Variants in OCEL1 observed in about 807,000 individuals in gnomAD.
OCEL1 encodes the protein occludin/ELL domain containing 1, also known as occludin/ELL domain-containing protein 1.
OCEL1 carries 24 observed loss-of-function variants against 29.4 expected under a neutral mutation model. That is an observed-to-expected ratio of 0.82 (90% CI 0.59 to 1.15). OCEL1 has a LOEUF of 1.15. Among genes scored for constraint, OCEL1 ranks in the 50% most tolerant of loss-of-function variants. The probability of loss-of-function intolerance (pLI) is 0.00; values close to 1 mark genes in which losing one functional copy is unlikely to be tolerated. For synonymous variants in OCEL1, 172 were observed against 145.3 expected, an observed-to-expected ratio of 1.18 and a Z score of -1.32; for missense variants, 402 against 352.5, an observed-to-expected ratio of 1.14 and a Z score of -1.13.
Position 17,227,148 on chromosome 19 carries a change from C to G in OCEL1, c.401C>G (p.Ala134Gly). The G allele has an allele frequency of 6.3e-7, 1 of 1,590,416 alleles. No homozygotes were observed. Among genetic ancestry groups the G allele is most frequent in the Non-Finnish European group, 8.5e-7 (1 of 1,172,186 alleles). The change falls in exon 3 of 6, where the codon GCC (alanine) becomes GGC (glycine). Residue 134 changes from alanine (A) to glycine (G), a missense_variant. Physicochemically the swap from Ala to Gly is moderately conservative, Grantham distance 60. Transcript: ENST00000215061. ...ALLGAKKPIG[A>G]IPKGHKPRPH... ...CTGGGCGCCAAGAAGCCTATTGGAGCCATCCCTAAGGGGCATAAGCCTAGG... is the reference window on the plus strand; with the variant it reads ...CTGGGCGCCAAGAAGCCTATTGGAGGCATCCCTAAGGGGCATAAGCCTAGG...
chr19:17,228,218 A>G (rs1393881202), intron 4 of OCEL1, 38 bp from the exon 5 acceptor site: 3 of 1,608,958 alleles, frequency 1.9e-6, no homozygotes, highest in Non-Finnish European at 2.5e-6. Context: ...CTTGAATTCA[A>G]CTCTCCCTAA....
At chr19:17,227,302 A>C in intron 3 of OCEL1, 103 bp downstream of exon 3, 1 of 1,111,422 alleles carries the variant, frequency 9.0e-7, no homozygotes, top group Non-Finnish European at 1.2e-6. Context: ...GTAGAAAGGA[A>C]AGGATCCCTT....
chr19:17,227,198 CTGTGAGTGTCCCCCA>C lies in OCEL1; in HGVS notation c.452+5_452+19del. 1 of 1,487,884 alleles carries C rather than the reference CTGTGAGTGTCCCCCA, an allele frequency of 6.7e-7. No homozygotes were observed. The highest frequency in any genetic ancestry group is 8.9e-7 in the Non-Finnish European group (1 of 1,122,392). 92.2% of individuals were successfully genotyped at this position (1,487,884 alleles called of 1,614,324 possible). A position where few individuals can be genotyped will look rare whatever the true frequency, so the allele number is the denominator to read the frequency against. On this transcript the variant is annotated splice_donor_variant and splice_donor_5th_base_variant and coding_sequence_variant and intron_variant, in exon 3 of 6. Transcript: ENST00000215061. LOFTEE classifies it high-confidence loss of function. ...GCCCCACCCAGTGCCCGACTATGAG[CTGTGAGTGTCCCCCA>C]TGTGATTCTTCATGCCTGGGATCAG...
rs1255624884 is a variant in OCEL1, at chr19:17,229,046, AT to A, written c.*122del. 8.3e-7 allele frequency: 1 copy of A among 1,203,390 alleles called. No individual in the cohort carries two copies. Among genetic ancestry groups the A allele is most frequent in the Admixed American group, 2.4e-5 (1 of 42,004 alleles). 74.5% of individuals were successfully genotyped at this position (1,203,390 alleles called of 1,614,324 possible). On this transcript the variant is annotated 3_prime_UTR_variant, in exon 6 of 6. Coordinates refer to ENST00000215061, the MANE Select transcript of OCEL1 (RefSeq NM_024578.3). ...GGGGTCGCTTTCTCCTGGATTGCAA[AT>A]GCCTCTTCAGTTTGGACTCAGCTCT... is the stretch of plus-strand genomic sequence containing the variant.
intron 3 of OCEL1, 69 bp downstream of exon 3, chr19:17,227,268 A>G: frequency 1.5e-6 from 2 of 1,344,304 alleles, no homozygotes; most frequent in South Asian, 1.8e-5. Flanking sequence ...GGGCTTTGAT[A>G]GTTGAATAAG....
Position 17,228,412 on chromosome 19 carries a change from A to C in OCEL1, c.672+103A>C, listed in dbSNP as rs778593420. ...TTTTTTTTCTTTCTTTTGAGACAGA[A>C]TCTCGCTCTGTCACCCAGGCGGGAG... On this transcript the variant is annotated intron_variant, in intron 5 of 5. Coordinates refer to ENST00000215061, the MANE Select transcript of OCEL1 (RefSeq NM_024578.3). 4.8e-6 allele frequency: 6 copies of C among 1,240,842 alleles called. No individual in the cohort carries two copies. In the Admixed American group the frequency reaches 6.0e-5, roughly 12 times the overall value. 76.9% of individuals were successfully genotyped at this position (1,240,842 alleles called of 1,614,324 possible).
At position 17,226,232 on chromosome 19, in the gene OCEL1, G is replaced by A. The variant is rs2288543; in HGVS notation, c.-16G>A. On this transcript the variant is annotated 5_prime_UTR_variant, in exon 1 of 6. Coordinates refer to ENST00000215061, the MANE Select transcript of OCEL1 (RefSeq NM_024578.3). ...CCTGCTGAGCGACCCCGCCAGTCGG[G>A]TCCATCCTGCAGTAAATGCACAACC... 7.9e-5 allele frequency: 127 copies of A among 1,601,560 alleles called. No homozygotes were observed. In the East Asian group the frequency reaches 2.8e-3, roughly 35 times the overall value.
intron 3 of OCEL1, among the ~76,000 whole-genome samples, chr19:17,227,482 G>A (rs1250701477): frequency 6.6e-6 from 1 of 152,190 alleles, no homozygotes; most frequent in Non-Finnish European, 1.5e-5. Flanking sequence ...CCTGAGGTCA[G>A]GAGTTCGAGA....
rs573036373 is a variant in OCEL1, at chr19:17,226,481, GT to G, written c.69+167del. On this transcript the variant is annotated intron_variant, in intron 1 of 5. Transcript: ENST00000215061. ...TCCCAGGCTGCGCGGCGACGTCAGA[GT>G]TCATTTACATAGCGCTTATTTGGGT... 2.7e-4 allele frequency: 262 copies of G among 953,750 alleles called. 1 individual carries two copies. In the African/African-American group the frequency reaches 3.5e-3, roughly 13 times the overall value. 59.1% of individuals were successfully genotyped at this position (953,750 alleles called of 1,614,324 possible).
At chr19:17,226,944 C>G in intron 2 of OCEL1, 50 bp from the exon 3 acceptor site, 1 of 1,532,860 alleles carries the variant, frequency 6.5e-7, no homozygotes, top group Middle Eastern at 1.8e-4. Context: ...TTGAGGGACT[C>G]CGGTTTCCCG....
chr19:17,226,277 G>C lies in OCEL1; in HGVS notation c.30G>C (p.Pro10=), dbSNP rs774977629. Residue 10 remains proline (P), a synonymous_variant, in exon 1 of 6, where the codon CCG becomes CCC. Transcript: ENST00000215061. ...ACAACCCGGACGGAAGTGCCTCTCC[G>C]ACAGCAGATCCAGGCTCGGAGCTCC... MHNPDGSAS[P]TADPGSELQT... 3 of 1,612,228 alleles carry C rather than the reference G, an allele frequency of 1.9e-6. No homozygotes were observed. The highest frequency in any genetic ancestry group is 2.5e-6 in the Non-Finnish European group (3 of 1,179,568).
At chr19:17,227,594 G>A (rs1351668351) in intron 3 of OCEL1, among the ~76,000 whole-genome samples, 1 of 152,128 alleles carries the variant, frequency 6.6e-6, no homozygotes, top group Admixed American at 6.6e-5. Context: ...AAGAGGCTGA[G>A]GTGGGAGAAT....
At chr19:17,228,661 A>C in intron 5 of OCEL1, 142 bp from the exon 6 acceptor site, 2 of 1,186,608 alleles carry the variant, frequency 1.7e-6, no homozygotes, top group South Asian at 3.0e-5. Flanking sequence ...GGCATGAGCC[A>C]CCTTGCCCGG....
Position 17,229,138 on chromosome 19 carries a change from C to T in OCEL1, c.*213C>T, listed in dbSNP as rs744067. ...TCTGGGTCCTCTAGCTCTGACCCTA[C>T]AGGGACTCCAGATCTCAACCTGTTC... On this transcript the variant is annotated 3_prime_UTR_variant, in exon 6 of 6. Coordinates refer to ENST00000215061, the MANE Select transcript of OCEL1 (RefSeq NM_024578.3). 0.072 allele frequency: 32,536 copies of T among 452,474 alleles called. 1,469 individuals are homozygous for T. The highest frequency in any genetic ancestry group is 0.18 in the Middle Eastern group (284 of 1,540). The allele number at this position is 452,474 out of a possible 1,614,324, so 28.0% of individuals were successfully genotyped here. A position where few individuals can be genotyped will look rare whatever the true frequency, so the allele number is the denominator to read the frequency against.
chr19:17,228,291 GT>G lies in OCEL1; in HGVS notation c.657del (p.Phe219LeufsTer3). 1 of 1,614,120 alleles carries G rather than the reference GT, an allele frequency of 6.2e-7. No homozygotes were observed. The highest frequency in any genetic ancestry group is 8.5e-7 in the Non-Finnish European group (1 of 1,180,016). On this transcript the variant is annotated frameshift_variant, in exon 5 of 6. Coordinates refer to ENST00000215061, the MANE Select transcript of OCEL1 (RefSeq NM_024578.3). LOFTEE classifies it high-confidence loss of function. ...AAGTTGCAGCCCGGGTTTGGAGGGA[GT>G]TTGAGATGAAGCGAATGGTGAGTCT... The part of the protein sequence containing the change: ...AQVAARVWRE[F>X]EMKRMDPGFL...
rs2073366185 is a variant in OCEL1 at position 17,226,880 on chromosome 19, C to G, written c.246+11C>G. 2.0e-6 allele frequency: 3 copies of G among 1,515,906 alleles called. No individual in the cohort carries two copies. The highest frequency in any genetic ancestry group is 2.6e-6 in the Non-Finnish European group (3 of 1,137,436). 93.9% of individuals were successfully genotyped at this position (1,515,906 alleles called of 1,614,324 possible). On this transcript the variant is annotated intron_variant, in intron 2 of 5. Transcript: ENST00000215061. ...GGGCCTGGGCCCCCGGTGAGCCTGA[C>G]CGGGAGGGGGTCCCCAGGCCGGGCC...
intron 3 of OCEL1, 39 bp from the exon 4 acceptor site, chr19:17,227,801 T>G: frequency 6.3e-7 from 1 of 1,591,406 alleles, no homozygotes; most frequent in South Asian, 1.1e-5. Context: ...AAGAGTGGGG[T>G]TCTTTACACT....
rs375426920 is a variant in OCEL1, at chr19:17,227,020, C to G, written c.273C>G (p.Leu91=). Residue 91 remains leucine (L), a synonymous_variant, in exon 3 of 6, where the codon CTC becomes CTG. Transcript: ENST00000215061. ...TGCAGGGACTGGCGCCCCGAGGCCT[C>G]AAAACCAGCGCCCCCCGCCCTCCGT... ...PPLQGLAPRG[L]KTSAPRPPCQ... 1.6e-4 allele frequency: 252 copies of G among 1,593,674 alleles called. No individual in the cohort carries two copies. The highest frequency in any genetic ancestry group is 6.7e-4 in the Middle Eastern group (4 of 5,990).
At chr19:17,228,512 C>T (rs770037314) in intron 5 of OCEL1, 9 of 622,556 alleles carry the variant, frequency 1.4e-5, no homozygotes, top group African/African-American at 1.3e-4. Context: ...CAGCTGGGAT[C>T]ACAGGCGCCC....
Sources: allele counts gnomAD v4.1 joint callset (sites outside exome capture counted in the v4.1 genomes callset), GRCh38; gene constraint gnomAD v4.1.1; transcripts MANE v1.5; gene names NCBI Gene and HGNC (gene_info 2026-07-23, HGNC 2026-07-21).